EYS: variants seen among roughly 807,000 people sequenced by gnomAD.
EYS encodes protein eyes shut homolog.
EYS carries 250 observed loss-of-function variants against 282.1 expected under a neutral mutation model. That is an observed-to-expected ratio of 0.89 (90% CI 0.80 to 0.98). The LOEUF (loss-of-function observed/expected upper bound fraction) is 0.98. Among genes scored for constraint, EYS ranks in the 50% least tolerant of loss-of-function variants. EYS has a pLI of 0.00. For missense variants in EYS, 4,016 were observed against 3,709.0 expected (o/e 1.08, Z -2.15); for synonymous variants, 1,355 against 1,282.9 (o/e 1.06, Z -1.20).
At chr6:64,142,885 G>A (rs951254666) in intron 31 of EYS, among the ~76,000 whole-genome samples, 2 of 152,154 alleles carry the variant, frequency 1.3e-5, no homozygotes, top group African/African-American at 4.8e-5. Flanking sequence ...AATCTAGACT[G>A]ACTACCGTGT....
At chr6:64,967,694 C>G (rs1381940826) in intron 14 of EYS, among the ~76,000 whole-genome samples, 1 of 152,152 alleles carries the variant, frequency 6.6e-6, no homozygotes, top group East Asian at 1.9e-4. Context: ...ATTAACACTA[C>G]TTTACAAATC....
At chr6:63,817,696 G>A (rs904509767) in intron 36 of EYS, among the ~76,000 whole-genome samples, 2 of 152,214 alleles carry the variant, frequency 1.3e-5, no homozygotes, top group African/African-American at 4.8e-5. Flanking sequence ...TGGTCATAAG[G>A]CCACTTCTCA....
intron 33 of EYS, among the ~76,000 whole-genome samples, chr6:64,049,215 T>C (rs1355440605): frequency 6.6e-6 from 1 of 152,226 alleles, no homozygotes; most frequent in Non-Finnish European, 1.5e-5. Flanking sequence ...TTTCACAGTG[T>C]AAACAGTCAT....
intron 2 of EYS, among the ~76,000 whole-genome samples, chr6:65,505,831 T>C (rs1219535942): frequency 6.6e-6 from 1 of 152,118 alleles, no homozygotes; most frequent in Non-Finnish European, 1.5e-5. Context: ...TCTTGCTAAA[T>C]GTTCTACACA....
At chr6:64,351,889 A>G (rs1771655582) in intron 29 of EYS, among the ~76,000 whole-genome samples, 1 of 151,726 alleles carries the variant, frequency 6.6e-6, no homozygotes, top group Admixed American at 6.6e-5. Context: ...GTGTATACAT[A>G]GTTATCAAAT....
intron 14 of EYS, among the ~76,000 whole-genome samples, chr6:64,962,729 C>A (rs1301752821): frequency 6.6e-6 from 1 of 151,976 alleles, no homozygotes; most frequent in Non-Finnish European, 1.5e-5. Flanking sequence ...GCCTGGGCAA[C>A]AGAATAAGAC....
intron 12 of EYS, among the ~76,000 whole-genome samples, chr6:65,188,764 C>CA (rs777137794): frequency 0.089 from 6,954 of 78,398 alleles, 273 homozygotes; most frequent in Middle Eastern, 0.1. Flanking sequence ...TTATTGCATG[C>CA]AAAAAAAAAA....
intron 35 of EYS, among the ~76,000 whole-genome samples, chr6:63,931,350 A>G (rs1439636101): frequency 6.6e-6 from 1 of 152,112 alleles, no homozygotes; most frequent in African/African-American, 2.4e-5. Context: ...GTTGCTACCT[A>G]TAGCTTCTTC....
intron 30 of EYS, among the ~76,000 whole-genome samples, chr6:64,282,985 T>G (rs1284723956): frequency 6.6e-6 from 1 of 152,200 alleles, no homozygotes; most frequent in Non-Finnish European, 1.5e-5. Flanking sequence ...AAAACTCTGT[T>G]TCCCAGTCAT....
intron 5 of EYS, among the ~76,000 whole-genome samples, chr6:65,468,756 G>C (rs906873657): frequency 6.6e-6 from 1 of 152,014 alleles, no homozygotes; most frequent in African/African-American, 2.4e-5. Flanking sequence ...AGAATTCTGA[G>C]AGAGAAATTT....
At chr6:65,524,763 G>A (rs1767494009) in intron 2 of EYS, among the ~76,000 whole-genome samples, 1 of 152,198 alleles carries the variant, frequency 6.6e-6, no homozygotes, top group African/African-American at 2.4e-5. Flanking sequence ...GGTAGTTCTA[G>A]CAGAAGGATT....
chr6:65,620,762 T>G lies in EYS; in HGVS notation c.-333+19016A>C, dbSNP rs550845502. The stretch of plus-strand genomic sequence containing the variant: ...ATTCTGGCATGTTGTGTCTTTGTTC[T>G]CATTGGTTTCAAAGAACATCTTTAT... On this transcript the variant is annotated intron_variant, in intron 2 of 42. Coordinates refer to ENST00000503581, the MANE Select transcript of EYS (RefSeq NM_001142800.2). Among the ~76,000 whole-genome samples the G allele has an allele frequency of 1.3e-4, 19 of 151,986 alleles. No individual in the cohort carries two copies. The South Asian group carries it at 3.7e-3, about 30-fold the overall frequency.
intron 22 of EYS, among the ~76,000 whole-genome samples, chr6:64,763,525 C>T (rs1312671429): frequency 6.6e-6 from 1 of 152,096 alleles, no homozygotes; most frequent in Non-Finnish European, 1.5e-5. Flanking sequence ...TTCCCCAACA[C>T]TAAAAATCCC....
At position 65,234,647 on chromosome 6, in the gene EYS, C is replaced by T. The variant is rs550355652; in HGVS notation, c.2023+61216G>A. On this transcript the variant is annotated intron_variant, in intron 12 of 42. Coordinates refer to ENST00000503581, the MANE Select transcript of EYS (RefSeq NM_001142800.2). ...ACTGGAAATGCCAAGATGAATAAGA[C>T]ACACAGAATGCAAAGTATTTATAAT... Among the ~76,000 whole-genome samples the T allele has an allele frequency of 3.3e-5, 5 of 152,242 alleles. No individual in the cohort carries two copies. The South Asian group carries it at 1.0e-3, about 32-fold the overall frequency.
chr6:65,514,723 A>G (rs1767051417), intron 2 of EYS, among the ~76,000 whole-genome samples: 1 of 152,210 alleles, frequency 6.6e-6, no homozygotes, highest in Non-Finnish European at 1.5e-5. Flanking sequence ...GTGCTGGGAA[A>G]ACTGGCTAGC....
chr6:64,604,545 T>G (rs1477784956), intron 24 of EYS, among the ~76,000 whole-genome samples: 1 of 152,032 alleles, frequency 6.6e-6, no homozygotes, highest in Non-Finnish European at 1.5e-5. Context: ...CATGAAATAG[T>G]CACTTCTTCT....
Position 65,069,508 on chromosome 6 carries a change from G to A in EYS, c.2024-11781C>T, listed in dbSNP as rs1300344570. Among the ~76,000 whole-genome samples the A allele has an allele frequency of 4.0e-5, 6 of 151,794 alleles. 1 individual carries two copies. The highest frequency in any genetic ancestry group is 6.3e-3 in the Middle Eastern group (2 of 316). The stretch of plus-strand genomic sequence containing the variant: ...TCCCCATCTTACATAATCTCGAGAT[G>A]ACATTGTTTATTGTTGATGTCTCTT... On this transcript the variant is annotated intron_variant, in intron 12 of 42. Coordinates refer to ENST00000503581, the MANE Select transcript of EYS (RefSeq NM_001142800.2).
At chr6:64,303,565 G>A (rs7756960) in intron 30 of EYS, among the ~76,000 whole-genome samples, 105,634 of 151,912 alleles carry the variant, frequency 0.7, 36,737 homozygotes, top group South Asian at 0.71. Context: ...TAGGATAGCC[G>A]GGCGCGGTGG....
intron 11 of EYS, among the ~76,000 whole-genome samples, chr6:65,317,926 G>T (rs140186283): frequency 1.4e-5 from 2 of 146,352 alleles, no homozygotes; most frequent in South Asian, 4.4e-4. Context: ...GGAGGGCAGT[G>T]GTGCGATCTC....
Sources: allele counts gnomAD v4.1 joint callset (sites outside exome capture counted in the v4.1 genomes callset), GRCh38; gene constraint gnomAD v4.1.1; transcripts MANE v1.5; gene names NCBI Gene and HGNC (gene_info 2026-07-23, HGNC 2026-07-21).